Variants in CLIC2 observed in about 807,000 individuals in gnomAD.
CLIC2 encodes the protein chloride intracellular channel protein 2.
CLIC2 carries 9 observed loss-of-function variants against 14.8 expected under a neutral mutation model. The ratio of observed to expected loss-of-function variants is 0.61; its 90% CI spans 0.37 to 1.06. CLIC2 has a LOEUF of 1.06. Ranked by LOEUF, CLIC2 falls within the 50% of genes least tolerant of loss-of-function variation. The pLI, the probability that CLIC2 is intolerant of heterozygous loss-of-function variation, is 0.01. For missense variants in CLIC2, 148 were observed against 181.4 expected, an observed-to-expected ratio of 0.82 and a Z score of 1.06; for synonymous variants, 61 against 66.3, an observed-to-expected ratio of 0.92 and a Z score of 0.39.
chrX:155,311,766 T>C (rs954732848), intron 1 of CLIC2, among the ~76,000 whole-genome samples: 3 of 111,977 alleles, frequency 2.7e-5, no homozygotes, highest in African/African-American at 9.7e-5. Flanking sequence ...TCCTTGTGGC[T>C]GGGGAGGCCT....
At chrX:155,308,325 A>G (rs368917047) in intron 1 of CLIC2, among the ~76,000 whole-genome samples, 3 of 109,787 alleles carry the variant, frequency 2.7e-5, no homozygotes, top group East Asian at 5.8e-4. Flanking sequence ...AGAAAGAATT[A>G]ATGAGCTTGA....
At chrX:155,315,904 T>A (rs782107855) in intron 1 of CLIC2, among the ~76,000 whole-genome samples, 1 of 111,582 alleles carries the variant, frequency 9.0e-6, no homozygotes, top group Admixed American at 9.5e-5. Context: ...CAGGTAAACT[T>A]AAGGTAAAGG....
chrX:155,280,125 GC>G, intron 3 of CLIC2, 57 bp from the exon 4 acceptor site: 1 of 790,774 alleles, frequency 1.3e-6, no homozygotes. Flanking sequence ...GAGACCAGGT[GC>G]CCTAGCTTGC....
intron 4 of CLIC2, among the ~76,000 whole-genome samples, chrX:155,279,717 G>C (rs2074911698): frequency 8.9e-6 from 1 of 111,810 alleles, no homozygotes; most frequent in Non-Finnish European, 1.9e-5. Flanking sequence ...ACACAGTCCT[G>C]CAGTTAGTTC....
intron 1 of CLIC2, among the ~76,000 whole-genome samples, chrX:155,331,862 T>C (rs1203591600): frequency 1.8e-5 from 2 of 111,513 alleles, no homozygotes; most frequent in African/African-American, 3.3e-5. Flanking sequence ...TACTTTGAAA[T>C]GGTCTGAACA....
At chrX:155,298,637 T>C in intron 3 of CLIC2, 148 bp downstream of exon 3, 3 of 558,979 alleles carry the variant, frequency 5.4e-6, no homozygotes, top group Non-Finnish European at 9.0e-6. Flanking sequence ...TATTTGAAGT[T>C]GGAGGGGTAT....
At chrX:155,302,189 G>T (rs2075022073) in intron 1 of CLIC2, among the ~76,000 whole-genome samples, 1 of 107,397 alleles carries the variant, frequency 9.3e-6, no homozygotes, top group Non-Finnish European at 1.9e-5. Context: ...GTAGAATTCG[G>T]CTGTGAATCC....
At position 155,334,600 on chromosome X, in the gene CLIC2, G is replaced by A; in HGVS notation, c.-173C>T. 2.2e-6 allele frequency: 1 copy of A among 462,384 alleles called. No individual in the cohort carries two copies. Among genetic ancestry groups the A allele is most frequent in the East Asian group, 3.7e-5 (1 of 27,298 alleles). The allele number at this position is 462,384 out of a possible 1,213,427, so 38.1% of individuals were successfully genotyped here. A position where few individuals can be genotyped will look rare whatever the true frequency, so the allele number is the denominator to read the frequency against. On this transcript the variant is annotated 5_prime_UTR_variant, in exon 1 of 6. Transcript: ENST00000369449. ...GAGCCAGTCTCTTCTCTCAAGAGGTGTGACGCAGAAAATTCTAGATGCTTA... is the reference window on the plus strand; with the variant it reads ...GAGCCAGTCTCTTCTCTCAAGAGGTATGACGCAGAAAATTCTAGATGCTTA...
intron 1 of CLIC2, among the ~76,000 whole-genome samples, chrX:155,304,036 G>A (rs1159142797): frequency 1.9e-5 from 2 of 106,316 alleles, no homozygotes; most frequent in Non-Finnish European, 3.9e-5. Flanking sequence ...TTTCAACTTT[G>A]GTGAATCTGA....
chrX:155,311,057 C>T (rs782550063), intron 1 of CLIC2, among the ~76,000 whole-genome samples: 1 of 112,030 alleles, frequency 8.9e-6, no homozygotes, highest in South Asian at 3.8e-4. Flanking sequence ...GTGGAAGGGG[C>T]TGCCACAAAA....
intron 1 of CLIC2, among the ~76,000 whole-genome samples, chrX:155,299,891 A>G (rs1352111172): frequency 9.2e-6 from 1 of 108,802 alleles, no homozygotes. Context: ...CCATGTCCCT[A>G]CAAAGGACAT....
chrX:155,277,639 G>A lies in CLIC2; in HGVS notation c.*264C>T. On this transcript the variant is annotated 3_prime_UTR_variant, in exon 6 of 6. Transcript: ENST00000369449. ...ATGCATTCCAGGAATTCAAGCAAAG[G>A]GCAAAAGATTGTGATGCTTTCCATG... The A allele has an allele frequency of 3.2e-6, 1 of 313,189 alleles. No homozygotes were observed. The highest frequency in any genetic ancestry group is 5.6e-6 in the Non-Finnish European group (1 of 178,971). 25.8% of individuals were successfully genotyped at this position (313,189 alleles called of 1,213,427 possible). A position where few individuals can be genotyped will look rare whatever the true frequency, so the allele number is the denominator to read the frequency against.
At chrX:155,329,262 A>G (rs1300592277) in intron 1 of CLIC2, among the ~76,000 whole-genome samples, 1 of 109,095 alleles carries the variant, frequency 9.2e-6, no homozygotes, top group African/African-American at 3.3e-5. Context: ...ATAGGAAAAA[A>G]TCTAATACTG....
At chrX:155,327,452 C>T (rs1234287785) in intron 1 of CLIC2, among the ~76,000 whole-genome samples, 1 of 110,843 alleles carries the variant, frequency 9.0e-6, no homozygotes, top group Non-Finnish European at 1.9e-5. Flanking sequence ...ATTTTATTTT[C>T]ACTTAGTGAT....
intron 3 of CLIC2, among the ~76,000 whole-genome samples, chrX:155,285,381 A>G (rs1478948937): frequency 8.9e-6 from 1 of 111,744 alleles, no homozygotes; most frequent in Non-Finnish European, 1.9e-5. Context: ...CTGCCTGACC[A>G]TTAGTATCTA....
At chrX:155,330,576 ATGAAG>A (rs2075153367) in intron 1 of CLIC2, among the ~76,000 whole-genome samples, 2 of 111,836 alleles carry the variant, frequency 1.8e-5, no homozygotes, top group South Asian at 3.7e-4. Flanking sequence ...CTCTCACATA[ATGAAG>A]TGAAGTGTAA....
At position 155,305,161 on chromosome X, in the gene CLIC2, G is replaced by A. The variant is rs1206539729; in HGVS notation, c.58-6016C>T. On this transcript the variant is annotated intron_variant, in intron 1 of 5. Transcript: ENST00000369449. ...TACCTAATCAAGCCTGGGCAATGGC[G>A]GGCGCCCCTCCCCCAGCCTCGCTGC... Among the ~76,000 whole-genome samples the A allele has an allele frequency of 2.6e-4, 29 of 112,107 alleles. 1 individual carries two copies. The highest frequency in any genetic ancestry group is 2.8e-4 in the Admixed American group (3 of 10,692).
At chrX:155,288,999 C>T (rs2074952985) in intron 3 of CLIC2, among the ~76,000 whole-genome samples, 1 of 110,325 alleles carries the variant, frequency 9.1e-6, no homozygotes, top group African/African-American at 3.3e-5. Flanking sequence ...ACAAAATTAG[C>T]CAGGCATGGT....
intron 1 of CLIC2, among the ~76,000 whole-genome samples, chrX:155,330,176 A>G (rs1602965446): frequency 9.0e-6 from 1 of 111,683 alleles, no homozygotes; most frequent in South Asian, 3.7e-4. Context: ...TACATTTAAA[A>G]ATAACTAAAA....
Sources: allele counts gnomAD v4.1 joint callset (sites outside exome capture counted in the v4.1 genomes callset), GRCh38; gene constraint gnomAD v4.1.1; transcripts MANE v1.5; gene names NCBI Gene and HGNC (gene_info 2026-07-23, HGNC 2026-07-21).